Variants in GNG7 observed in about 807,000 individuals in gnomAD.
The protein encoded by GNG7 is guanine nucleotide-binding protein G(I)/G(S)/G(O) subunit gamma-7.
Under a neutral mutation model 4.0 loss-of-function variants are expected in GNG7, and 1 was observed. That is an observed-to-expected ratio of 0.25 (90% confidence interval 0.09 to 1.18). The LOEUF is 1.18. GNG7 is among the 50% of genes most tolerant of loss of function. GNG7 has a pLI of 0.50. For missense variants in GNG7, 86 were observed against 91.9 expected (o/e 0.94, Z 0.26); for synonymous variants, 34 against 36.9 (o/e 0.92, Z 0.29).
chr19:2,543,808 G>A (rs1162381805), intron 3 of GNG7, among the ~76,000 whole-genome samples: 2 of 152,148 alleles, frequency 1.3e-5, no homozygotes, highest in East Asian at 3.8e-4. Flanking sequence ...GTGGCGCGGC[G>A]TGCCGGGGTG....
At chr19:2,656,643 C>G (rs1258029638) in intron 1 of GNG7, among the ~76,000 whole-genome samples, 1 of 152,150 alleles carries the variant, frequency 6.6e-6, no homozygotes. Context: ...TTGGTAAACT[C>G]TGGCCCATGG....
intron 2 of GNG7, among the ~76,000 whole-genome samples, chr19:2,595,592 G>A (rs565558319): frequency 1.7e-4 from 26 of 151,928 alleles, no homozygotes; most frequent in South Asian, 6.2e-4. Context: ...AAAATTAGCC[G>A]GGCGTGGTGG....
intron 2 of GNG7, among the ~76,000 whole-genome samples, chr19:2,641,559 C>T (rs1389406099): frequency 6.6e-6 from 1 of 152,144 alleles, no homozygotes; most frequent in Non-Finnish European, 1.5e-5. Flanking sequence ...CTGGGAAATG[C>T]GGGAACCAGA....
intron 2 of GNG7, among the ~76,000 whole-genome samples, chr19:2,628,220 G>A (rs541796946): frequency 5.9e-5 from 9 of 152,262 alleles, no homozygotes; most frequent in African/African-American, 1.9e-4. Flanking sequence ...TGGGTCCCCC[G>A]CTCAGAGTCT....
chr19:2,576,255 C>T (rs1381328325), intron 2 of GNG7, among the ~76,000 whole-genome samples: 4 of 152,242 alleles, frequency 2.6e-5, no homozygotes, highest in Non-Finnish European at 5.9e-5. Flanking sequence ...GGCGTGCAGC[C>T]CGGACGGCCC....
chr19:2,597,788 C>T (rs1423988416), intron 2 of GNG7, among the ~76,000 whole-genome samples: 3 of 148,528 alleles, frequency 2.0e-5, no homozygotes, highest in East Asian at 2.0e-4. Context: ...GCCAGCTACT[C>T]GGGAGGCTGA....
intron 2 of GNG7, among the ~76,000 whole-genome samples, chr19:2,625,818 C>A (rs759154485): frequency 6.6e-6 from 1 of 151,122 alleles, no homozygotes; most frequent in Non-Finnish European, 1.5e-5. Flanking sequence ...GTTTTTGAGG[C>A]GGAGTCTCAC....
At chr19:2,599,294 C>A (rs1167394881) in intron 2 of GNG7, among the ~76,000 whole-genome samples, 1 of 152,100 alleles carries the variant, frequency 6.6e-6, no homozygotes, top group Non-Finnish European at 1.5e-5. Flanking sequence ...TCTCGAAGAT[C>A]TGAGGTTTCC....
intron 2 of GNG7, among the ~76,000 whole-genome samples, chr19:2,600,696 G>A (rs1568258470): frequency 1.3e-5 from 2 of 151,442 alleles, no homozygotes; most frequent in East Asian, 1.9e-4. Flanking sequence ...GGCTGGTCTC[G>A]AACTCCTGAG....
chr19:2,541,710 C>G (rs1432838415), intron 3 of GNG7, among the ~76,000 whole-genome samples: 1 of 150,498 alleles, frequency 6.6e-6, no homozygotes, highest in Non-Finnish European at 1.5e-5. Context: ...CCACTGCACT[C>G]TAGCCTGGGC....
At chr19:2,702,216 A>C (rs1913420254) in intron 1 of GNG7, among the ~76,000 whole-genome samples, 2 of 51,282 alleles carry the variant, frequency 3.9e-5, no homozygotes, top group African/African-American at 1.6e-4. Context: ...TCCCACCTCC[A>C]GCCCCCTCCC....
At chr19:2,644,425 T>TATGACATACAGTGCACCC (rs1982611879) in intron 2 of GNG7, among the ~76,000 whole-genome samples, 2 of 121,152 alleles carry the variant, frequency 1.7e-5, no homozygotes, top group South Asian at 5.2e-4. Flanking sequence ...ATGTAATTCA[T>TATGACATACAGTGCACCC]ATGACATACA....
intron 2 of GNG7, among the ~76,000 whole-genome samples, chr19:2,583,813 G>C (rs1262076087): frequency 6.6e-6 from 1 of 152,038 alleles, no homozygotes; most frequent in Non-Finnish European, 1.5e-5. Flanking sequence ...ACAACCAAAA[G>C]ATAAAACACT....
At chr19:2,586,411 C>G (rs377217697) in intron 2 of GNG7, among the ~76,000 whole-genome samples, 1 of 152,170 alleles carries the variant, frequency 6.6e-6, no homozygotes, top group Non-Finnish European at 1.5e-5. Flanking sequence ...AAGCGAGGGC[C>G]GCAAATGGGG....
intron 3 of GNG7, among the ~76,000 whole-genome samples, chr19:2,551,428 GC>G (rs1301321717): frequency 4.0e-5 from 6 of 151,882 alleles, no homozygotes; most frequent in Admixed American, 2.6e-4. Flanking sequence ...CTAGGGTGAG[GC>G]CATGCGGCAC....
At chr19:2,642,929 C>T in intron 2 of GNG7, 1 of 441,382 alleles carries the variant, frequency 2.3e-6, no homozygotes, top group Non-Finnish European at 4.5e-6. Context: ...ATGCAGGAGA[C>T]CTCTCCGGGC....
chr19:2,577,071 G>A (rs2060588641), intron 2 of GNG7, among the ~76,000 whole-genome samples: 1 of 152,226 alleles, frequency 6.6e-6, no homozygotes, highest in South Asian at 2.1e-4. Context: ...ATTCCTGTTG[G>A]CAGGGTCAGG....
At chr19:2,555,424 G>C (rs999549260) in intron 2 of GNG7, among the ~76,000 whole-genome samples, 2 of 152,120 alleles carry the variant, frequency 1.3e-5, no homozygotes, top group Non-Finnish European at 2.9e-5. Context: ...GGACAACAGG[G>C]CAAATTATCT....
At chr19:2,625,734 C>A (rs1488533436) in intron 2 of GNG7, among the ~76,000 whole-genome samples, 2 of 152,134 alleles carry the variant, frequency 1.3e-5, no homozygotes, top group African/African-American at 4.8e-5. Context: ...CCTCACCGTG[C>A]TGGGCACAAG....
Sources: allele counts gnomAD v4.1 joint callset (sites outside exome capture counted in the v4.1 genomes callset), GRCh38; gene constraint gnomAD v4.1.1; transcripts MANE v1.5; gene names NCBI Gene and HGNC (gene_info 2026-07-23, HGNC 2026-07-21).